TTC7B: variants seen among roughly 807,000 people sequenced by gnomAD.
TTC7B encodes tetratricopeptide repeat protein 7B.
A neutral mutation model predicts 106.8 loss-of-function variants in TTC7B; 28 were observed. That is an observed-to-expected ratio of 0.26 (90% CI 0.19 to 0.36). The LOEUF (loss-of-function observed/expected upper bound fraction) is 0.36. TTC7B is among the 10% of genes least tolerant of loss of function. TTC7B has a pLI of 1.00. For missense variants in TTC7B, 862 were observed against 1,076.4 expected, an observed-to-expected ratio of 0.80 and a Z score of 2.79; for synonymous variants, 405 against 430.6, an observed-to-expected ratio of 0.94 and a Z score of 0.74.
chr14:90,790,094 A>G (rs1024900251), intron 1 of TTC7B, among the ~76,000 whole-genome samples: 6 of 152,088 alleles, frequency 3.9e-5, no homozygotes, highest in Non-Finnish European at 2.9e-5. Flanking sequence ...ATTGGACAGC[A>G]ATATGATCAC....
At chr14:90,770,244 C>A (rs886623331) in intron 3 of TTC7B, among the ~76,000 whole-genome samples, 2 of 152,164 alleles carry the variant, frequency 1.3e-5, no homozygotes, top group African/African-American at 4.8e-5. Context: ...AACATTTACA[C>A]ATGTAATTAC....
intron 6 of TTC7B, among the ~76,000 whole-genome samples, chr14:90,693,829 A>G (rs777658009): frequency 2.0e-5 from 3 of 152,224 alleles, no homozygotes; most frequent in African/African-American, 4.8e-5. Flanking sequence ...CACAGTTACC[A>G]TATGACCCAG....
chr14:90,770,886 CAT>C (rs149379219), intron 3 of TTC7B, among the ~76,000 whole-genome samples: 13,272 of 152,216 alleles, frequency 0.087, 644 homozygotes, highest in East Asian at 0.16. Flanking sequence ...AATTCTGACA[CAT>C]GTTACAACAT....
chr14:90,593,622 G>A lies in TTC7B; in HGVS notation c.1971C>T (p.Ser657=), dbSNP rs758848907. Residue 657 remains serine, a synonymous_variant, in exon 18 of 20, where the codon TCC becomes TCT. Transcript: ENST00000328459. ...LPDFSDPETG[S]VHATSVAASR... ...AGGCTGCTACCGATGTGGCATGGAC[G>A]GAGCCTGTGAGAGGTTTTTGAGAAG... The A allele has an allele frequency of 8.8e-6, 14 of 1,593,706 alleles. No individual in the cohort carries two copies. Among genetic ancestry groups the A allele is most frequent in the South Asian group, 7.9e-5 (7 of 88,484 alleles).
intron 5 of TTC7B, among the ~76,000 whole-genome samples, chr14:90,722,887 T>C (rs1478177252): frequency 1.3e-5 from 2 of 152,220 alleles, no homozygotes; most frequent in Non-Finnish European, 2.9e-5. Context: ...CCTCCTCCTT[T>C]ACTCAACTTC....
rs1285652623 is a variant in TTC7B, at chr14:90,558,697, C to T, written c.2311-17108G>A. Among the ~76,000 whole-genome samples the T allele has an allele frequency of 8.5e-5, 13 of 152,380 alleles. No homozygotes were observed. In the East Asian group the frequency reaches 1.5e-3, roughly 18 times the overall value. On this transcript the variant is annotated intron_variant, in intron 19 of 19. Coordinates refer to ENST00000328459, the MANE Select transcript of TTC7B (RefSeq NM_001010854.2). ...CAAAGGGCGGGGTCTCCCCGGCCAGCGCTCCTCTGCCCTGCCGGCCTCTGT... is the reference window on the plus strand; with the variant it reads ...CAAAGGGCGGGGTCTCCCCGGCCAGTGCTCCTCTGCCCTGCCGGCCTCTGT...
At chr14:90,713,956 G>C (rs985377964) in intron 5 of TTC7B, among the ~76,000 whole-genome samples, 1 of 152,132 alleles carries the variant, frequency 6.6e-6, no homozygotes, top group East Asian at 1.9e-4. Context: ...GGCCGGGTGC[G>C]GTGGCTCACG....
At chr14:90,722,537 C>T (rs1888937526) in intron 5 of TTC7B, among the ~76,000 whole-genome samples, 1 of 152,178 alleles carries the variant, frequency 6.6e-6, no homozygotes, top group South Asian at 2.1e-4. Flanking sequence ...TGCCATCGGT[C>T]CTTCCAGCAT....
chr14:90,677,781 G>C, intron 8 of TTC7B: 1 of 453,502 alleles, frequency 2.2e-6, no homozygotes, highest in Non-Finnish European at 4.4e-6. Flanking sequence ...TTGTGTGTGA[G>C]TCCAAGGCAT....
rs149068881 is a variant in TTC7B, at chr14:90,723,546, C to T, written c.698+6529G>A. Among the ~76,000 whole-genome samples the T allele has an allele frequency of 3.2e-4, 49 of 152,310 alleles. 1 individual carries two copies. In the East Asian group the frequency reaches 9.3e-3, roughly 29 times the overall value. ...GATTCTTGAACACTCCAAGCTCTTT[C>T]CCGGGTCAAGACCTCTGCACATTTT... On this transcript the variant is annotated intron_variant, in intron 5 of 19. Coordinates refer to ENST00000328459, the MANE Select transcript of TTC7B (RefSeq NM_001010854.2).
At chr14:90,611,937 C>T (rs1271524506) in intron 16 of TTC7B, among the ~76,000 whole-genome samples, 1 of 152,208 alleles carries the variant, frequency 6.6e-6, no homozygotes, top group East Asian at 1.9e-4. Flanking sequence ...TTTTCTTTTC[C>T]AATCTGGGGG....
intron 19 of TTC7B, among the ~76,000 whole-genome samples, chr14:90,554,654 G>T (rs1012064671): frequency 6.6e-6 from 1 of 152,224 alleles, no homozygotes; most frequent in Non-Finnish European, 1.5e-5. Context: ...CTGCCCCAGA[G>T]CCTCAGTCAT....
rs1885978223 is a variant in TTC7B at position 90,657,081 on chromosome 14, C to T, written c.1341+93G>A. 3 of 1,092,790 alleles carry T rather than the reference C, an allele frequency of 2.7e-6. No homozygotes were observed. The highest frequency in any genetic ancestry group is 2.0e-5 in the Admixed American group (1 of 50,534). 67.7% of individuals were successfully genotyped at this position (1,092,790 alleles called of 1,614,324 possible). ...TGTCTTTGTACAGCTGATGAATCAC[C>T]CTCGCTTTCTCTCTGTGCCTCGACA... is the stretch of plus-strand genomic sequence containing the variant. On this transcript the variant is annotated intron_variant, in intron 11 of 19. Transcript: ENST00000328459. This position sits in a 1 kb window ranked among gnomAD's most constrained non-coding sequence, Gnocchi z 4.2.
chr14:90,550,119 G>C (rs547791253), intron 19 of TTC7B, among the ~76,000 whole-genome samples: 2 of 152,158 alleles, frequency 1.3e-5, no homozygotes, highest in African/African-American at 4.8e-5. Context: ...CACTGGCCTC[G>C]AGATAAGCAA....
intron 17 of TTC7B, chr14:90,605,649 G>A (rs2139835604): frequency 7.8e-7 from 1 of 1,289,104 alleles, no homozygotes; most frequent in Non-Finnish European, 1.0e-6. Context: ...GAGCTGCAGG[G>A]GGCCACACAA....
intron 9 of TTC7B, among the ~76,000 whole-genome samples, chr14:90,664,991 G>A (rs567194154): frequency 2.0e-5 from 3 of 152,348 alleles, no homozygotes; most frequent in Admixed American, 2.0e-4. Flanking sequence ...CAAAGGCAGT[G>A]TGAATAGGAG....
chr14:90,670,483 T>C lies in TTC7B; in HGVS notation c.1152+6040A>G, dbSNP rs1819316740. On this transcript the variant is annotated intron_variant, in intron 9 of 19. Transcript: ENST00000328459. ...TTAAATGCAACGGAATTTTACACTT[T>C]AAAAAGGTTAACATGGCATATTAAA... Among the ~76,000 whole-genome samples the C allele has an allele frequency of 2.6e-5, 4 of 152,158 alleles. No individual in the cohort carries two copies. The South Asian group carries it at 8.3e-4, about 31-fold the overall frequency.
intron 17 of TTC7B, chr14:90,603,326 A>T (rs752085499): frequency 3.1e-6 from 4 of 1,282,784 alleles, no homozygotes; most frequent in Non-Finnish European, 1.0e-6. Flanking sequence ...GATCAAACCA[A>T]AAATTAAAAC....
intron 5 of TTC7B, among the ~76,000 whole-genome samples, chr14:90,719,428 G>C (rs1046740722): frequency 1.3e-5 from 2 of 152,214 alleles, no homozygotes; most frequent in Admixed American, 6.5e-5. Flanking sequence ...GCCAGACTGG[G>C]AGGAACTGTA....
Sources: gnomAD v4.1 joint callset for allele counts (sites outside exome capture counted in the v4.1 genomes callset) on GRCh38, gnomAD v4.1.1 for gene constraint, Gnocchi (gnomAD v3.1) non-coding constraint, MANE v1.5 for transcripts, NCBI Gene and HGNC (gene_info 2026-07-23, HGNC 2026-07-21) for gene names.